The following AGO2 variants were observed in gnomAD, a reference collection of about 807,000 sequenced individuals.
AGO2 encodes the protein argonaute RISC catalytic component 2, also known as protein argonaute-2.
A neutral mutation model predicts 102.3 loss-of-function variants in AGO2; 5 were observed. The ratio of observed to expected loss-of-function variants is 0.05; its 90% confidence interval spans 0.03 to 0.10. The LOEUF (loss-of-function observed/expected upper bound fraction) is 0.10, where lower values mean the gene tolerates loss of function less well. AGO2 is among the 10% of genes least tolerant of loss of function. The probability of loss-of-function intolerance (pLI) is 1.00; values close to 1 mark genes in which losing one functional copy is unlikely to be tolerated. For synonymous variants in AGO2, 449 were observed against 473.1 expected (o/e 0.95, Z 0.66); for missense variants, 541 against 1,183.7 (o/e 0.46, Z 7.97).
intron 1 of AGO2, among the ~76,000 whole-genome samples, chr8:140,617,838 G>A (rs1383814571): frequency 2.0e-5 from 3 of 151,978 alleles, no homozygotes; most frequent in Non-Finnish European, 2.9e-5. Flanking sequence ...ACAACATAGT[G>A]AGACCCTGTC....
intron 1 of AGO2, among the ~76,000 whole-genome samples, chr8:140,603,295 A>C (rs2073955588): frequency 6.6e-6 from 1 of 152,200 alleles, no homozygotes; most frequent in African/African-American, 2.4e-5. Context: ...GTGCCTCCAC[A>C]CCGGGCTGTG....
At chr8:140,630,770 G>A (rs529678718) in intron 1 of AGO2, among the ~76,000 whole-genome samples, 107 of 152,350 alleles carry the variant, frequency 7.0e-4, no homozygotes, top group South Asian at 1.4e-3. Context: ...ATACAGTGTC[G>A]CTTCTGCTGA....
chr8:140,618,086 G>A (rs1003769073), intron 1 of AGO2, among the ~76,000 whole-genome samples: 2 of 151,638 alleles, frequency 1.3e-5, no homozygotes, highest in Admixed American at 6.6e-5. Context: ...GGCAGATCAC[G>A]AGGTCAGGAG....
rs1359507962 is a variant in AGO2, at chr8:140,522,862, G to C, written c.*9182C>G. The C allele has an allele frequency of 6.6e-6, 1 of 152,112 alleles. No individual in the cohort carries two copies. Among genetic ancestry groups the C allele is most frequent in the African/African-American group, 2.4e-5 (1 of 41,412 alleles). The allele number at this position is 152,112 out of a possible 1,614,324, so 9.4% of individuals were successfully genotyped here. Reference sequence around the variant, plus strand: ...TCTGCCTAATATTTTTGCATACTCTGAAACTCACAAATTTAACATCTGATT... The same window carrying C: ...TCTGCCTAATATTTTTGCATACTCTCAAACTCACAAATTTAACATCTGATT... On this transcript the variant is annotated 3_prime_UTR_variant, in exon 19 of 19. Transcript: ENST00000220592.
chr8:140,562,657 A>G, intron 3 of AGO2, 23 bp from the exon 4 acceptor site: 1 of 1,606,936 alleles, frequency 6.2e-7, no homozygotes, highest in Non-Finnish European at 8.5e-7. Flanking sequence ...AAGGCACACA[A>G]GGTTACTCCC....
chr8:140,601,231 T>G (rs931039640), intron 1 of AGO2, among the ~76,000 whole-genome samples: 2 of 152,238 alleles, frequency 1.3e-5, no homozygotes, highest in Admixed American at 1.3e-4. Context: ...TTGCACTTCC[T>G]GTCTACTCTT....
In AGO2 at chr8:140,589,114, T is replaced by G. The variant is rs537446673; in HGVS notation, c.23-3803A>C. Among the ~76,000 whole-genome samples, 2 of 151,964 alleles carry G rather than the reference T, an allele frequency of 1.3e-5. No individual in the cohort carries two copies. Among genetic ancestry groups the G allele is most frequent in the Non-Finnish European group, 2.9e-5 (2 of 67,986 alleles). On this transcript the variant is annotated intron_variant, in intron 1 of 18. Coordinates refer to ENST00000220592, the MANE Select transcript of AGO2 (RefSeq NM_012154.5). The surrounding 1 kb of genome is among the most constrained non-coding windows in gnomAD (Gnocchi z 4.2). ...TCCCCTGAAGAAACTCCTTTCGGAGTTGGCTCCTCCCCGACTTTTCAGGGA... is the reference window on the plus strand; with the variant it reads ...TCCCCTGAAGAAACTCCTTTCGGAGGTGGCTCCTCCCCGACTTTTCAGGGA...
At chr8:140,550,437 G>A (rs1012547992) in intron 11 of AGO2, among the ~76,000 whole-genome samples, 3 of 152,188 alleles carry the variant, frequency 2.0e-5, no homozygotes, top group African/African-American at 2.4e-5. Context: ...TGTGCTGGCC[G>A]AGGCGAGCAT....
intron 2 of AGO2, among the ~76,000 whole-genome samples, chr8:140,580,066 C>T (rs6997664): frequency 0.06 from 9,148 of 152,092 alleles, 655 homozygotes; most frequent in African/African-American, 0.17. Context: ...GCAAGGCCCA[C>T]GTGACTTCAG....
At chr8:140,611,804 G>A (rs1161407822) in intron 1 of AGO2, among the ~76,000 whole-genome samples, 1 of 152,146 alleles carries the variant, frequency 6.6e-6, no homozygotes, top group East Asian at 1.9e-4. Context: ...CTAGTGACCT[G>A]CACTTCAAAG....
intron 1 of AGO2, among the ~76,000 whole-genome samples, chr8:140,618,566 A>G (rs1484500938): frequency 6.6e-6 from 1 of 152,218 alleles, no homozygotes; most frequent in East Asian, 1.9e-4. Flanking sequence ...CATTAAGTGA[A>G]AAGGAAAGAC....
chr8:140,544,578 G>T (rs2132888297), intron 13 of AGO2, among the ~76,000 whole-genome samples: 2 of 24,254 alleles, frequency 8.2e-5, no homozygotes, highest in South Asian at 3.0e-3. Flanking sequence ...CTGGGGCTCA[G>T]GCCCAGGCCC....
intron 15 of AGO2, 108 bp downstream of exon 15, chr8:140,541,056 G>T (rs561026175): frequency 3.8e-6 from 5 of 1,303,508 alleles, no homozygotes; most frequent in Admixed American, 2.6e-5. Flanking sequence ...CCTTGGGGCC[G>T]AATGAGAGCC....
intron 2 of AGO2, among the ~76,000 whole-genome samples, chr8:140,584,582 C>T (rs559466343): frequency 8.0e-4 from 121 of 151,176 alleles, no homozygotes; most frequent in South Asian, 1.7e-3. Context: ...CTAGACTGCC[C>T]ATGTGTTTAA....
At chr8:140,561,119 A>G (rs2073194578) in intron 4 of AGO2, among the ~76,000 whole-genome samples, 1 of 152,248 alleles carries the variant, frequency 6.6e-6, no homozygotes, top group Non-Finnish European at 1.5e-5. Context: ...CGGGCCTGCT[A>G]GGGATGCTGC....
chr8:140,558,982 A>AC (rs1002383333), intron 6 of AGO2, among the ~76,000 whole-genome samples: 49 of 150,346 alleles, frequency 3.3e-4, no homozygotes, highest in South Asian at 2.8e-3. Context: ...TAAGTCCTAG[A>AC]CCCCCCCCAA....
intron 10 of AGO2, 66 bp from the exon 11 acceptor site, chr8:140,551,502 T>C (rs2072995020): frequency 7.2e-7 from 1 of 1,395,034 alleles, no homozygotes; most frequent in Non-Finnish European, 9.4e-7. Flanking sequence ...CCTTAGACTT[T>C]GTCACTCTCA....
chr8:140,556,194 G>T lies in AGO2; in HGVS notation c.1119C>A (p.Pro373=), dbSNP rs61758136. 8.7e-6 allele frequency: 14 copies of T among 1,614,116 alleles called. No homozygotes were observed. Among genetic ancestry groups the T allele is most frequent in the Non-Finnish European group, 1.2e-5 (14 of 1,180,058 alleles). The change falls in exon 9 of 19, where the codon CCC becomes CCA. Residue 373 remains proline (P), a synonymous_variant. Coordinates refer to ENST00000220592, the MANE Select transcript of AGO2 (RefSeq NM_012154.5). ...ATTTGCTAATCTCTTCTTGCCGATC[G>T]GGCGCCGACCTAGCAGTCGCTCTGA... ...TMIRATARSA[P]DRQEEISKLM...
intron 3 of AGO2, among the ~76,000 whole-genome samples, chr8:140,570,096 C>T (rs1306199499): frequency 3.9e-5 from 6 of 152,264 alleles, no homozygotes; most frequent in Non-Finnish European, 5.9e-5. Flanking sequence ...AATTTCTGCA[C>T]CCTGCAGAGA....
Sources: allele counts gnomAD v4.1 joint callset (sites outside exome capture counted in the v4.1 genomes callset), GRCh38; gene constraint gnomAD v4.1.1; non-coding constraint Gnocchi (gnomAD v3.1); transcripts MANE v1.5; gene names NCBI Gene and HGNC (gene_info 2026-07-23, HGNC 2026-07-21).